C1orf21: variants seen among roughly 807,000 people sequenced by gnomAD.
C1orf21 encodes the protein uncharacterized protein C1orf21.
A neutral mutation model predicts 18.7 loss-of-function variants in C1orf21; 3 were observed. That is an observed-to-expected ratio of 0.16 (90% CI 0.07 to 0.42). The LOEUF (loss-of-function observed/expected upper bound fraction) is 0.42. C1orf21 is among the 10% of genes least tolerant of loss of function. The pLI, the probability that C1orf21 is intolerant of heterozygous loss-of-function variation, is 0.99. For missense variants in C1orf21, 104 were observed against 143.6 expected (o/e 0.72, Z 1.41); for synonymous variants, 41 against 46.4 (o/e 0.88, Z 0.47).
intron 3 of C1orf21, among the ~76,000 whole-genome samples, chr1:184,534,995 G>A (rs577215019): frequency 6.7e-6 from 1 of 149,920 alleles, no homozygotes; most frequent in Non-Finnish European, 1.5e-5. Flanking sequence ...AGGCATGGTG[G>A]GGGGACTTGA....
intron 5 of C1orf21, 46 bp from the exon 6 acceptor site, chr1:184,619,472 C>T (rs778270214): frequency 6.3e-7 from 1 of 1,594,482 alleles, no homozygotes; most frequent in Non-Finnish European, 8.6e-7. Flanking sequence ...TCAGGCTCTG[C>T]TTTGAATTTC....
At chr1:184,556,203 G>C (rs1658877183) in intron 3 of C1orf21, among the ~76,000 whole-genome samples, 1 of 152,150 alleles carries the variant, frequency 6.6e-6, no homozygotes, top group East Asian at 1.9e-4. Flanking sequence ...GTACTTGTTG[G>C]ATAACACTGT....
chr1:184,602,594 C>CA (rs1659599879), intron 5 of C1orf21, among the ~76,000 whole-genome samples: 1 of 152,072 alleles, frequency 6.6e-6, no homozygotes. Flanking sequence ...TTCTGTGGAG[C>CA]AAAATAGTGA....
At chr1:184,603,817 T>A (rs1292722848) in intron 5 of C1orf21, among the ~76,000 whole-genome samples, 1 of 152,178 alleles carries the variant, frequency 6.6e-6, no homozygotes, top group South Asian at 2.1e-4. Flanking sequence ...TAAAAATAAA[T>A]AAAAGATATT....
At chr1:184,470,345 A>G (rs559624306) in intron 1 of C1orf21, among the ~76,000 whole-genome samples, 4 of 151,552 alleles carry the variant, frequency 2.6e-5, no homozygotes, top group African/African-American at 7.3e-5. Flanking sequence ...TTTCTTATCT[A>G]CTTAGATTTT....
At chr1:184,532,262 A>C (rs1022923528) in intron 3 of C1orf21, among the ~76,000 whole-genome samples, 1 of 152,144 alleles carries the variant, frequency 6.6e-6, no homozygotes, top group Non-Finnish European at 1.5e-5. Flanking sequence ...AGTTCTTTCA[A>C]CTGTAAAACA....
intron 3 of C1orf21, among the ~76,000 whole-genome samples, chr1:184,509,009 G>C (rs971468448): frequency 1.3e-5 from 2 of 152,138 alleles, no homozygotes; most frequent in Non-Finnish European, 2.9e-5. Flanking sequence ...AACAGAGTTT[G>C]TACTTGCTTG....
intron 1 of C1orf21, among the ~76,000 whole-genome samples, chr1:184,429,153 G>A (rs1656692245): frequency 6.6e-6 from 1 of 152,162 alleles, no homozygotes; most frequent in Non-Finnish European, 1.5e-5. Context: ...CAGCGATTTG[G>A]TCCTAGAGGA....
intron 1 of C1orf21, among the ~76,000 whole-genome samples, chr1:184,464,787 C>T (rs537982962): frequency 3.3e-5 from 5 of 152,084 alleles, no homozygotes; most frequent in South Asian, 2.1e-4. Context: ...GGGTGGTTTT[C>T]GAGACCCACC....
chr1:184,540,332 T>A (rs1046705022), intron 3 of C1orf21, among the ~76,000 whole-genome samples: 2 of 152,224 alleles, frequency 1.3e-5, no homozygotes, highest in African/African-American at 2.4e-5. Flanking sequence ...ACATAATTTT[T>A]AAGTTATAAG....
intron 3 of C1orf21, among the ~76,000 whole-genome samples, chr1:184,545,521 A>T (rs1571408310): frequency 6.6e-6 from 1 of 152,122 alleles, no homozygotes; most frequent in Non-Finnish European, 1.5e-5. Context: ...GAGGCACCTA[A>T]GTCTGTACCG....
intron 3 of C1orf21, among the ~76,000 whole-genome samples, chr1:184,532,036 A>T (rs1266019666): frequency 6.6e-6 from 1 of 151,936 alleles, no homozygotes; most frequent in Non-Finnish European, 1.5e-5. Context: ...AGACAATTTC[A>T]TGTAGGTTTT....
At chr1:184,575,869 C>T (rs993577643) in intron 3 of C1orf21, among the ~76,000 whole-genome samples, 1 of 151,868 alleles carries the variant, frequency 6.6e-6, no homozygotes, top group East Asian at 1.9e-4. Context: ...CCCTGGGATG[C>T]TTGTAATTGA....
At chr1:184,539,475 C>T (rs1658611972) in intron 3 of C1orf21, among the ~76,000 whole-genome samples, 1 of 152,114 alleles carries the variant, frequency 6.6e-6, no homozygotes, top group Admixed American at 6.6e-5. Flanking sequence ...CTTTGTCTGG[C>T]TTCCGTATCA....
intron 1 of C1orf21, among the ~76,000 whole-genome samples, chr1:184,472,686 TA>T (rs910144024): frequency 3.9e-5 from 6 of 152,002 alleles, no homozygotes; most frequent in African/African-American, 7.2e-5. Context: ...TGTTTCTAGT[TA>T]AAAAAAACTA....
intron 1 of C1orf21, among the ~76,000 whole-genome samples, chr1:184,407,384 A>G (rs1460651099): frequency 6.6e-6 from 1 of 152,212 alleles, no homozygotes; most frequent in Non-Finnish European, 1.5e-5. Context: ...AGGTACCTAA[A>G]TGGTATTTAC....
intron 2 of C1orf21, among the ~76,000 whole-genome samples, chr1:184,484,918 G>A (rs1657711799): frequency 6.7e-6 from 1 of 150,260 alleles, no homozygotes; most frequent in Non-Finnish European, 1.5e-5. Context: ...GTGTGTGTGT[G>A]TGTGATGGTG....
chr1:184,473,767 G>A (rs1345209963), intron 1 of C1orf21, among the ~76,000 whole-genome samples: 1 of 152,144 alleles, frequency 6.6e-6, no homozygotes, highest in African/African-American at 2.4e-5. Flanking sequence ...ATGCCTGTGA[G>A]GTGAACTCTC....
intron 1 of C1orf21, among the ~76,000 whole-genome samples, chr1:184,396,656 C>T (rs923402834): frequency 2.0e-5 from 3 of 152,162 alleles, no homozygotes; most frequent in Non-Finnish European, 4.4e-5. Context: ...AGTTTGCTGT[C>T]AGCTCAGTCA....
Sources: gnomAD v4.1 joint callset for allele counts (sites outside exome capture counted in the v4.1 genomes callset) on GRCh38, gnomAD v4.1.1 for gene constraint, MANE v1.5 for transcripts, NCBI Gene and HGNC (gene_info 2026-07-23, HGNC 2026-07-21) for gene names.